The following DPYSL4 variants were observed in gnomAD, a reference collection of about 807,000 sequenced individuals.
DPYSL4 encodes the protein dihydropyrimidinase-related protein 4.
A neutral mutation model predicts 63.4 loss-of-function variants in DPYSL4; 43 were observed. That is an observed-to-expected ratio of 0.68 (90% CI 0.53 to 0.88). The LOEUF is 0.88. Among genes scored for constraint, DPYSL4 ranks in the 40% least tolerant of loss-of-function variants. DPYSL4 has a pLI of 0.00. For synonymous variants in DPYSL4, 353 were observed against 331.7 expected (o/e 1.06, Z -0.70); for missense variants, 733 against 819.5 (o/e 0.89, Z 1.29).
At chr10:132,193,974 C>T (rs998403800) in intron 3 of DPYSL4, among the ~76,000 whole-genome samples, 2 of 152,208 alleles carry the variant, frequency 1.3e-5, no homozygotes, top group African/African-American at 2.4e-5. Flanking sequence ...GGGGGCGGCC[C>T]AAGCCGGTCA....
intron 13 of DPYSL4, among the ~76,000 whole-genome samples, 185 bp downstream of exon 13, chr10:132,204,112 C>T (rs1468772470): frequency 6.6e-6 from 1 of 151,960 alleles, no homozygotes; most frequent in Non-Finnish European, 1.5e-5. Flanking sequence ...TAGGGAGGCC[C>T]CTCCTGCCCG....
At chr10:132,204,201 G>A (rs2062062707) in intron 13 of DPYSL4, among the ~76,000 whole-genome samples, 1 of 152,218 alleles carries the variant, frequency 6.6e-6, no homozygotes, top group South Asian at 2.1e-4. Context: ...ATGGAACCCA[G>A]GAGTGAGCAT....
chr10:132,192,461 ACCGT>A (rs2061890852), intron 2 of DPYSL4, 193 bp from the exon 3 acceptor site: 1 of 1,292,058 alleles, frequency 7.7e-7, no homozygotes, highest in African/African-American at 1.5e-5. Context: ...CCCTGCAGTG[ACCGT>A]CCTGAGCTGC....
At position 132,188,135 on chromosome 10, in the gene DPYSL4, C is replaced by T. The variant is rs79833933; in HGVS notation, c.39+1033C>T. On this transcript the variant is annotated intron_variant, in intron 1 of 13. Coordinates refer to ENST00000338492, the MANE Select transcript of DPYSL4 (RefSeq NM_006426.3). ...GCAGGAGGTCTTGCCAGTCAGCTGG[C>T]ATGTGGGGGTCGAGTTTGGGGGTGG... Among the ~76,000 whole-genome samples, 1,358 of 152,226 alleles carry T rather than the reference C, an allele frequency of 8.9e-3. 27 individuals are homozygous for T. Among genetic ancestry groups the T allele is most frequent in the African/African-American group, 0.03 (1,264 of 41,550 alleles).
Position 132,197,109 on chromosome 10 carries a change from G to GGGGCA in DPYSL4, c.621+13_621+17dup. ...GGGGACATCGTGGAGGAGGTGCCGT[G>GGGGCA]GGGCAGGGCTGCCGTGGGGCAGGCA... On this transcript the variant is annotated intron_variant, in intron 6 of 13. Transcript: ENST00000338492. 2 of 1,494,650 alleles carry GGGGCA rather than the reference G, an allele frequency of 1.3e-6. No individual in the cohort carries two copies. Among genetic ancestry groups the GGGGCA allele is most frequent in the Non-Finnish European group, 1.8e-6 (2 of 1,118,792 alleles). 92.6% of individuals were successfully genotyped at this position (1,494,650 alleles called of 1,614,324 possible).
chr10:132,187,364 C>T (rs922613090), intron 1 of DPYSL4, among the ~76,000 whole-genome samples: 12 of 38,010 alleles, frequency 3.2e-4, no homozygotes, highest in South Asian at 2.6e-3. Flanking sequence ...CTGCCGGGCC[C>T]TGCCGGGCCC....
rs755582659 is a variant in DPYSL4, at chr10:132,202,673, G to A, written c.1309G>A (p.Val437Met). Residue 437 changes from valine (V) to methionine (M), a missense_variant, in exon 12 of 14, where the codon GTG (valine) becomes ATG (methionine). By Grantham distance (21) the Val-to-Met change is conservative. Transcript: ENST00000338492. ...LNVEYNIFEGVECRGAPAVVI... is the reference protein window; with the variant it reads ...LNVEYNIFEGMECRGAPAVVI... Reference sequence around the variant, plus strand: ...CGTGGAGTACAACATCTTCGAGGGAGTGGAGTGCCGGGGAGCGCCTGCCGT... The same window carrying A: ...CGTGGAGTACAACATCTTCGAGGGAATGGAGTGCCGGGGAGCGCCTGCCGT... 1.2e-6 allele frequency: 2 copies of A among 1,612,990 alleles called. No homozygotes were observed. The highest frequency in any genetic ancestry group is 1.1e-5 in the South Asian group (1 of 91,086).
At position 132,192,893 on chromosome 10, in the gene DPYSL4, CCTCT is replaced by C. The variant is rs748595881; in HGVS notation, c.313+56_313+59del. ...CAGGGGGCAGCCAGCGTCTGCTGCC[CCTCT>C]CTCTGGCCAGGTGTGTGTGGGAGGA... On this transcript the variant is annotated intron_variant, in intron 3 of 13. Transcript: ENST00000338492. The C allele has an allele frequency of 7.2e-6, 11 of 1,531,116 alleles. No homozygotes were observed. The South Asian group carries it at 1.4e-4, about 19-fold the overall frequency. The allele number at this position is 1,531,116 out of a possible 1,614,324, so 94.8% of individuals were successfully genotyped here.
At chr10:132,204,391 G>A (rs965811998) in intron 13 of DPYSL4, among the ~76,000 whole-genome samples, 3 of 152,176 alleles carry the variant, frequency 2.0e-5, no homozygotes, top group Non-Finnish European at 4.4e-5. Context: ...GCCAGGGTCC[G>A]GCCTCTGGCG....
At chr10:132,203,106 G>T (rs2062041835) in intron 12 of DPYSL4, among the ~76,000 whole-genome samples, 1 of 152,242 alleles carries the variant, frequency 6.6e-6, no homozygotes, top group African/African-American at 2.4e-5. Flanking sequence ...ATCCACGGTT[G>T]TTAGAGAAAA....
intron 6 of DPYSL4, 122 bp downstream of exon 6, chr10:132,197,223 C>A: frequency 1.1e-6 from 1 of 871,282 alleles, no homozygotes; most frequent in African/African-American, 1.7e-5. Flanking sequence ...AGCACAGAAT[C>A]CCACAAAACC....
chr10:132,199,658 G>C (rs1227281478), intron 8 of DPYSL4, among the ~76,000 whole-genome samples: 1 of 142,632 alleles, frequency 7.0e-6, no homozygotes, highest in Non-Finnish European at 1.6e-5. Context: ...GGGCCTGCCT[G>C]GGGCTGTGCA....
chr10:132,199,031 G>A (rs886613032), intron 8 of DPYSL4, 60 bp downstream of exon 8: 3 of 1,565,688 alleles, frequency 1.9e-6, no homozygotes, highest in East Asian at 2.3e-5. Flanking sequence ...CCTGGGTGCA[G>A]CCCTGGGGAG....
At chr10:132,190,622 C>G (rs2061861761) in intron 1 of DPYSL4, 125 bp from the exon 2 acceptor site, 1 of 856,550 alleles carries the variant, frequency 1.2e-6, no homozygotes, top group Non-Finnish European at 1.8e-6. Context: ...GGCTTTTGTG[C>G]TCGTTTTTAC....
chr10:132,196,918 G>A lies in DPYSL4; in HGVS notation c.536G>A (p.Ser179Asn). The A allele has an allele frequency of 6.2e-7, 1 of 1,608,352 alleles. No homozygotes were observed. Among genetic ancestry groups the A allele is most frequent in the Non-Finnish European group, 8.5e-7 (1 of 1,176,752 alleles). ...AAGGACCGGTGCCAGTGCAGCGACA[G>A]CCAGGTAAGGGCAGGCGTGGGGAAC... is the stretch of plus-strand genomic sequence containing the variant. ...AYKDRCQCSD[S>N]QMYEIFSIIR... Residue 179 changes from serine (S) to asparagine (N), a missense_variant, in exon 5 of 14, where the codon AGC becomes AAC. Transcript: ENST00000338492.
Position 132,200,478 on chromosome 10 carries a change from A to T in DPYSL4, c.934A>T (p.Thr312Ser), listed in dbSNP as rs772322068. The change falls in exon 9 of 14, where the codon ACC becomes TCC. Residue 312 changes from threonine (T) to serine (S), a missense_variant. Transcript: ENST00000338492. ...VTSPPVNPDP[T>S]TADHLTCLLS... ...ATCACCCCCTGTCAACCCAGACCCC[A>T]CCACGGCGGACCACCTCACCTGCTT... The T allele has an allele frequency of 2.5e-6, 4 of 1,613,056 alleles. No individual in the cohort carries two copies. The highest frequency in any genetic ancestry group is 3.4e-6 in the Non-Finnish European group (4 of 1,179,884).
rs1199318389 is a variant in DPYSL4 at position 132,205,620 on chromosome 10, A to G, written c.*690A>G. 6.6e-6 allele frequency: 1 copy of G among 152,324 alleles called. No individual in the cohort carries two copies. Among genetic ancestry groups the G allele is most frequent in the African/African-American group, 2.4e-5 (1 of 41,444 alleles). The allele number at this position is 152,324 out of a possible 1,614,324, so 9.4% of individuals were successfully genotyped here. A position where few individuals can be genotyped will look rare whatever the true frequency, so the allele number is the denominator to read the frequency against. ...ACTGTCCTCTTATTACAGATTGTGT[A>G]TTTCCGTAGGCTTCTTAGTAGCAGC... On this transcript the variant is annotated 3_prime_UTR_variant, in exon 14 of 14. Coordinates refer to ENST00000338492, the MANE Select transcript of DPYSL4 (RefSeq NM_006426.3).
Position 132,205,155 on chromosome 10 carries a change from T to C in DPYSL4, c.*225T>C, listed in dbSNP as rs2062080110. 4 of 388,852 alleles carry C rather than the reference T, an allele frequency of 1.0e-5. No homozygotes were observed. The South Asian group carries it at 3.3e-4, about 32-fold the overall frequency. 24.1% of individuals were successfully genotyped at this position (388,852 alleles called of 1,614,324 possible). A position where few individuals can be genotyped will look rare whatever the true frequency, so the allele number is the denominator to read the frequency against. ...ACCTGGGGAGATGTCACTGCCAGGGTGAGGTGGAGCCACATGGCAGGGACA... is the reference window on the plus strand; with the variant it reads ...ACCTGGGGAGATGTCACTGCCAGGGCGAGGTGGAGCCACATGGCAGGGACA... On this transcript the variant is annotated 3_prime_UTR_variant, in exon 14 of 14. Transcript: ENST00000338492.
At chr10:132,200,614 C>G in intron 9 of DPYSL4, 102 bp downstream of exon 9, 1 of 1,474,450 alleles carries the variant, frequency 6.8e-7, no homozygotes, top group Non-Finnish European at 9.1e-7. Context: ...TCCCATAGGG[C>G]AGCCCGGACA....
Sources: gnomAD v4.1 joint callset for allele counts (sites outside exome capture counted in the v4.1 genomes callset) on GRCh38, gnomAD v4.1.1 for gene constraint, MANE v1.5 for transcripts, NCBI Gene and HGNC (gene_info 2026-07-23, HGNC 2026-07-21) for gene names.